CHM: variants seen among roughly 807,000 people sequenced by gnomAD.
CHM encodes rab proteins geranylgeranyltransferase component A 1.
CHM carries 10 observed loss-of-function variants against 49.0 expected under a neutral mutation model. The observed-to-expected ratio is 0.20, with a 90% CI of 0.13 to 0.35. The LOEUF (loss-of-function observed/expected upper bound fraction) is 0.35. Among genes scored for constraint, CHM ranks in the 10% least tolerant of loss-of-function variants. The probability of loss-of-function intolerance (pLI) is 1.00; values close to 1 mark genes in which losing one functional copy is unlikely to be tolerated. For synonymous variants in CHM, 184 were observed against 167.5 expected, an observed-to-expected ratio of 1.10 and a Z score of -0.76; for missense variants, 455 against 478.4, an observed-to-expected ratio of 0.95 and a Z score of 0.46.
intron 2 of CHM, among the ~76,000 whole-genome samples, chrX:86,006,262 T>C (rs774357353): frequency 9.0e-6 from 1 of 111,409 alleles, no homozygotes; most frequent in Non-Finnish European, 1.9e-5. Flanking sequence ...TGGAACGATC[T>C]CAAAATAATA....
chrX:85,998,156 T>A (rs1202462190), intron 2 of CHM, among the ~76,000 whole-genome samples: 1 of 111,858 alleles, frequency 8.9e-6, no homozygotes, highest in Non-Finnish European at 1.9e-5. Flanking sequence ...AAAAATTAAT[T>A]TTTTATTGTT....
Position 86,022,513 on chromosome X carries a change from T to C in CHM, c.116+4978A>G, listed in dbSNP as rs1420629773. On this transcript the variant is annotated intron_variant, in intron 2 of 14. Transcript: ENST00000357749. ...CCTGCTTTTCTTCTCAACCTCTGAT[T>C]GTTTCCTTTCAATCTCCTTTGATGG... is the stretch of plus-strand genomic sequence containing the variant. Among the ~76,000 whole-genome samples the C allele has an allele frequency of 8.1e-5, 9 of 111,435 alleles. No individual in the cohort carries two copies. The Admixed American group carries it at 8.6e-4, about 11-fold the overall frequency.
At chrX:85,974,527 T>C (rs1280933534) in intron 4 of CHM, among the ~76,000 whole-genome samples, 16 of 111,418 alleles carry the variant, frequency 1.4e-4, no homozygotes, top group East Asian at 2.8e-4. Context: ...TAATGTGGTA[T>C]TGGTGGAGGA....
intron 13 of CHM, among the ~76,000 whole-genome samples, chrX:85,877,754 AAGAAC>A (rs1462748092): frequency 9.0e-6 from 1 of 111,061 alleles, no homozygotes; most frequent in Non-Finnish European, 1.9e-5. Flanking sequence ...AAAAAAATTA[AAGAAC>A]AGAACAGTTT....
intron 12 of CHM, among the ~76,000 whole-genome samples, chrX:85,888,180 C>CA (rs1925216728): frequency 0.047 from 2 of 43 alleles, no homozygotes; most frequent in African/African-American, 0.17. Flanking sequence ...CTTCATGGGC[C>CA]AGGCCAGGGC....
intron 13 of CHM, among the ~76,000 whole-genome samples, chrX:85,876,188 C>T (rs1194289916): frequency 9.0e-6 from 1 of 111,176 alleles, no homozygotes; most frequent in African/African-American, 3.3e-5. Flanking sequence ...TTCACACGTA[C>T]TAGGATGGCT....
chrX:85,945,176 C>T (rs888461418), intron 8 of CHM, among the ~76,000 whole-genome samples: 1 of 110,776 alleles, frequency 9.0e-6, no homozygotes, highest in African/African-American at 3.3e-5. Flanking sequence ...ACTAGAAAAA[C>T]TACCTATCAG....
chrX:85,946,250 C>T (rs1053119282), intron 8 of CHM, among the ~76,000 whole-genome samples: 2 of 112,667 alleles, frequency 1.8e-5, no homozygotes, highest in African/African-American at 6.5e-5. Context: ...AAAGCAACCT[C>T]TTTCTAGAGA....
At chrX:85,934,292 T>C (rs890318505) in intron 8 of CHM, among the ~76,000 whole-genome samples, 30 of 103,629 alleles carry the variant, frequency 2.9e-4, no homozygotes, top group Non-Finnish European at 5.9e-5. Context: ...TTTTTTTTTT[T>C]TTTTTTTTTT....
chrX:85,940,053 G>T (rs1447307753), intron 8 of CHM, among the ~76,000 whole-genome samples: 1 of 111,771 alleles, frequency 8.9e-6, no homozygotes, highest in Non-Finnish European at 1.9e-5. Context: ...GAGCATGGCT[G>T]GGAGGCCTCA....
intron 8 of CHM, among the ~76,000 whole-genome samples, chrX:85,935,238 G>C (rs969392726): frequency 2.7e-5 from 3 of 111,328 alleles, no homozygotes; most frequent in African/African-American, 6.5e-5. Flanking sequence ...ATGTGAAATA[G>C]AGTGAGAACT....
intron 8 of CHM, among the ~76,000 whole-genome samples, chrX:85,938,814 A>ATG (rs1228010402): frequency 2.8e-4 from 31 of 110,425 alleles, no homozygotes; most frequent in African/African-American, 1.0e-3. Context: ...TTAAGCTGAT[A>ATG]TATGTGTGTG....
At chrX:86,006,791 G>T (rs754437421) in intron 2 of CHM, among the ~76,000 whole-genome samples, 95 of 111,788 alleles carry the variant, frequency 8.5e-4, no homozygotes, top group Non-Finnish European at 1.1e-3. Context: ...CATTCCATTC[G>T]CATGGATAGG....
chrX:85,932,034 A>T (rs1928467216), intron 8 of CHM, among the ~76,000 whole-genome samples: 1 of 111,794 alleles, frequency 8.9e-6, no homozygotes, highest in Non-Finnish European at 1.9e-5. Flanking sequence ...TTAAGGAATT[A>T]AACTCAATTT....
At chrX:85,987,402 G>A (rs1429708485) in intron 2 of CHM, among the ~76,000 whole-genome samples, 1 of 111,401 alleles carries the variant, frequency 9.0e-6, no homozygotes, top group Non-Finnish European at 1.9e-5. Context: ...CAACATTAAG[G>A]GCAGCTAGAG....
At chrX:85,887,440 C>T (rs1925154017) in intron 12 of CHM, among the ~76,000 whole-genome samples, 1 of 111,710 alleles carries the variant, frequency 9.0e-6, no homozygotes, top group African/African-American at 3.3e-5. Flanking sequence ...CCATTATAAA[C>T]CTCTTTCTTT....
chrX:86,022,018 T>C (rs780091839), intron 2 of CHM, among the ~76,000 whole-genome samples: 18 of 111,762 alleles, frequency 1.6e-4, no homozygotes, highest in African/African-American at 4.2e-4. Flanking sequence ...TGGTTGCTAG[T>C]GGCTGGAAGA....
intron 2 of CHM, among the ~76,000 whole-genome samples, chrX:86,005,641 G>A (rs913852008): frequency 8.9e-5 from 10 of 112,031 alleles, no homozygotes; most frequent in South Asian, 3.7e-4. Context: ...ACACCTCTAC[G>A]CAAATAAATT....
intron 2 of CHM, among the ~76,000 whole-genome samples, chrX:86,006,985 C>T (rs139124187): frequency 0.029 from 3,189 of 111,565 alleles, 55 homozygotes; most frequent in Middle Eastern, 0.094. Flanking sequence ...AACCTGGAGG[C>T]ATCACGCTAC....
Sources: allele counts gnomAD v4.1 joint callset (sites outside exome capture counted in the v4.1 genomes callset), GRCh38; gene constraint gnomAD v4.1.1; transcripts MANE v1.5; gene names NCBI Gene and HGNC (gene_info 2026-07-23, HGNC 2026-07-21).